The following CEP128 variants were observed in gnomAD, a reference collection of about 807,000 sequenced individuals.
The protein encoded by CEP128 is centrosomal protein 128, also known as centrosomal protein 128kDa.
Under a neutral mutation model 156.7 loss-of-function variants are expected in CEP128, and 132 were observed. That is an observed-to-expected ratio of 0.84 (90% CI 0.73 to 0.97). The LOEUF is 0.97. Among genes scored for constraint, CEP128 ranks in the 50% least tolerant of loss-of-function variants. The pLI, the probability that CEP128 is intolerant of heterozygous loss-of-function variation, is 0.00. For synonymous variants in CEP128, 469 were observed against 448.9 expected (o/e 1.04, Z -0.57); for missense variants, 1,252 against 1,281.9 (o/e 0.98, Z 0.36).
upstream of CEP128, among the ~76,000 whole-genome samples, chr14:80,943,993 C>CAA (rs36074282): frequency 3.0e-5 from 3 of 101,200 alleles, no homozygotes; most frequent in East Asian, 3.4e-4. Flanking sequence ...GACTCCATCT[C>CAA]AAAAAAAAAA....
At chr14:80,568,675 A>G (rs1441973036) in intron 20 of CEP128, among the ~76,000 whole-genome samples, 1 of 152,168 alleles carries the variant, frequency 6.6e-6, no homozygotes, top group Non-Finnish European at 1.5e-5. Context: ...GATTAAAACT[A>G]TTATTAATCT....
intron 2 of CEP128, among the ~76,000 whole-genome samples, chr14:80,954,543 CCTGT>C (rs766192136): frequency 2.0e-5 from 3 of 152,174 alleles, no homozygotes; most frequent in Non-Finnish European, 4.4e-5. Flanking sequence ...TGTGTTCCCT[CCTGT>C]CTTTTTCTAG....
chr14:80,517,326 G>C (rs1370422978), intron 23 of CEP128, among the ~76,000 whole-genome samples: 2 of 151,958 alleles, frequency 1.3e-5, no homozygotes, highest in Non-Finnish European at 2.9e-5. Context: ...CTATTGATTT[G>C]AAACATTTTT....
chr14:80,908,462 G>T (rs976289256), intron 4 of CEP128, among the ~76,000 whole-genome samples: 1 of 151,136 alleles, frequency 6.6e-6, no homozygotes, highest in African/African-American at 2.5e-5. Context: ...ACAAGCTGTT[G>T]TTCACTCTAT....
At chr14:80,533,303 A>G (rs954623292) in intron 21 of CEP128, among the ~76,000 whole-genome samples, 1 of 152,092 alleles carries the variant, frequency 6.6e-6, no homozygotes, top group African/African-American at 2.4e-5. Context: ...CACTCCAATA[A>G]TATCTGTAGT....
At chr14:80,800,768 A>T (rs1026642383) in intron 13 of CEP128, among the ~76,000 whole-genome samples, 2 of 152,208 alleles carry the variant, frequency 1.3e-5, no homozygotes, top group Admixed American at 1.3e-4. Context: ...TAAAGACACT[A>T]GGTTAGGCAC....
chr14:80,498,687 G>T (rs1887603853), intron 24 of CEP128, among the ~76,000 whole-genome samples: 1 of 152,128 alleles, frequency 6.6e-6, no homozygotes, highest in Non-Finnish European at 1.5e-5. Flanking sequence ...CCTGTTCCTG[G>T]TACCTTCTAT....
At chr14:80,809,340 G>C (rs327431) in intron 13 of CEP128, among the ~76,000 whole-genome samples, 97,231 of 151,830 alleles carry the variant, frequency 0.64, 31,550 homozygotes, top group East Asian at 0.79. Flanking sequence ...AAAAAAAGAA[G>C]AAACAGAGCA....
upstream of CEP128, among the ~76,000 whole-genome samples, chr14:80,946,265 T>C (rs140980385): frequency 1.3e-4 from 19 of 151,352 alleles, no homozygotes; most frequent in African/African-American, 4.7e-4. Flanking sequence ...TGGTACTCTA[T>C]TATTTTGTTC....
chr14:80,514,749 A>G, intron 23 of CEP128: 1 of 304,848 alleles, frequency 3.3e-6, no homozygotes, highest in Non-Finnish European at 6.8e-6. Flanking sequence ...TGGTGAGGGC[A>G]TATTTTCATG....
chr14:80,676,943 G>A (rs1896087484), intron 19 of CEP128, among the ~76,000 whole-genome samples: 1 of 152,044 alleles, frequency 6.6e-6, no homozygotes, highest in African/African-American at 2.4e-5. Context: ...AATGAAATGA[G>A]CCTAAAATGC....
chr14:80,879,522 A>C (rs11851697), intron 8 of CEP128, among the ~76,000 whole-genome samples: 10,041 of 152,150 alleles, frequency 0.066, 1,091 homozygotes, highest in African/African-American at 0.23. Flanking sequence ...ACCAATCATA[A>C]ATCTTGGAGC....
At chr14:80,793,731 T>C (rs944020372) in intron 13 of CEP128, among the ~76,000 whole-genome samples, 1 of 152,188 alleles carries the variant, frequency 6.6e-6, no homozygotes, top group African/African-American at 2.4e-5. Context: ...AATTTAACTT[T>C]ATTTTGAATA....
intron 23 of CEP128, among the ~76,000 whole-genome samples, chr14:80,526,459 A>T (rs1030168482): frequency 3.3e-5 from 5 of 152,168 alleles, no homozygotes; most frequent in Admixed American, 1.3e-4. Context: ...CCTCTAGAAG[A>T]AAATGACTAG....
intron 19 of CEP128, among the ~76,000 whole-genome samples, chr14:80,635,747 G>T (rs1419112967): frequency 1.3e-5 from 2 of 152,188 alleles, no homozygotes; most frequent in African/African-American, 4.8e-5. Context: ...CCTCCCTACT[G>T]TGAACATTTG....
chr14:80,535,697 T>G (rs1287278960), intron 21 of CEP128, among the ~76,000 whole-genome samples: 1 of 152,230 alleles, frequency 6.6e-6, no homozygotes, highest in African/African-American at 2.4e-5. Flanking sequence ...TTTATGATAC[T>G]AACACTGCCT....
chr14:80,863,687 C>G (rs1371673426), intron 8 of CEP128, among the ~76,000 whole-genome samples: 2 of 152,100 alleles, frequency 1.3e-5, no homozygotes, highest in African/African-American at 4.8e-5. Flanking sequence ...ATAAACACAG[C>G]TGTTATAAGA....
chr14:80,624,170 G>A (rs1307930075), intron 19 of CEP128, among the ~76,000 whole-genome samples: 2 of 152,056 alleles, frequency 1.3e-5, no homozygotes, highest in Admixed American at 1.3e-4. Flanking sequence ...GTGAGAACAC[G>A]CAGTCTTTAT....
chr14:80,736,269 A>AAC (rs1555396678), intron 19 of CEP128, among the ~76,000 whole-genome samples: 49 of 151,250 alleles, frequency 3.2e-4, no homozygotes, highest in African/African-American at 1.0e-3. Context: ...AAAAAAAAAA[A>AAC]ACACAGCAAA....
Sources: gnomAD v4.1 joint callset for allele counts (sites outside exome capture counted in the v4.1 genomes callset) on GRCh38, gnomAD v4.1.1 for gene constraint, MANE v1.5 for transcripts, NCBI Gene and HGNC (gene_info 2026-07-23, HGNC 2026-07-21) for gene names.